Variants in RASA4B observed in about 807,000 individuals in gnomAD.
The protein encoded by RASA4B is RAS p21 protein activator 4B.
A neutral mutation model predicts 24.2 loss-of-function variants in RASA4B; 2 were observed. The observed-to-expected ratio is 0.08, with a 90% CI of 0.03 to 0.26. RASA4B has a LOEUF of 0.26. Ranked by LOEUF, RASA4B falls within the 10% of genes least tolerant of loss-of-function variation. The pLI is 1.00. For missense variants in RASA4B, 8 were observed against 277.2 expected (o/e 0.03, Z 6.90); for synonymous variants, 2 against 125.6 (o/e 0.02, Z 6.58).
intron 6 of RASA4B, among the ~76,000 whole-genome samples, chr7:102,502,629 G>A (rs1214748275): frequency 2.7e-5 from 3 of 109,672 alleles, no homozygotes; most frequent in African/African-American, 8.1e-5. Flanking sequence ...GTGTGGTGGT[G>A]TGTGCCTGTA....
intron 1 of RASA4B, among the ~76,000 whole-genome samples, chr7:102,512,747 GAGTA>G (rs1799733541): frequency 1.1e-5 from 1 of 87,614 alleles, no homozygotes; most frequent in Non-Finnish European, 3.5e-5. Flanking sequence ...AGAGGGAGGA[GAGTA>G]AGAGGGAGGA....
At chr7:102,491,698 C>T (rs1256193826) in intron 16 of RASA4B, among the ~76,000 whole-genome samples, 4 of 69,332 alleles carry the variant, frequency 5.8e-5, no homozygotes, top group African/African-American at 1.3e-4. Context: ...ACCCGGGAGG[C>T]GGAGGTTGCG....
At chr7:102,499,191 AAAAT>A (rs374009450) in intron 8 of RASA4B, among the ~76,000 whole-genome samples, 3,485 of 80,080 alleles carry the variant, frequency 0.044, 88 homozygotes, top group Non-Finnish European at 0.076. Flanking sequence ...GCTCAAAAAA[AAAAT>A]ATATATATAT....
chr7:102,512,848 G>A (rs1343531286), intron 1 of RASA4B, among the ~76,000 whole-genome samples: 1 of 150,600 alleles, frequency 6.6e-6, no homozygotes, highest in Non-Finnish European at 1.5e-5. Context: ...TAAAGAGGGA[G>A]GGGGAGACTG....
rs1375172219 is a variant in RASA4B, at chr7:102,514,984, AC to A, written c.65+2661del. On this transcript the variant is annotated intron_variant, in intron 1 of 20. Coordinates refer to ENST00000465829, the MANE Select transcript of RASA4B (RefSeq NM_001367767.2). Reference sequence around the variant, plus strand: ...CTCTGTGCCCTTTAGAGGAATAAAAACCCATGAGTAGAAGTGGCAGGAAGGC... The same window carrying A: ...CTCTGTGCCCTTTAGAGGAATAAAAACCATGAGTAGAAGTGGCAGGAAGGC... 3.3e-5 allele frequency among the ~76,000 whole-genome samples: 4 copies of A among 120,074 alleles called. No individual in the cohort carries two copies. The Admixed American group carries it at 3.8e-4, about 11-fold the overall frequency. The allele number at this position is 120,074 out of a possible 152,430, so 78.8% of individuals were successfully genotyped here.
At chr7:102,498,483 A>T (rs1403749715) in intron 8 of RASA4B, among the ~76,000 whole-genome samples, 3 of 144,520 alleles carry the variant, frequency 2.1e-5, no homozygotes, top group East Asian at 2.1e-4. Context: ...GCTGGTCTTG[A>T]ACTCCTGATC....
At chr7:102,498,318 G>A (rs1298791222) in intron 8 of RASA4B, among the ~76,000 whole-genome samples, 410 of 146,370 alleles carry the variant, frequency 2.8e-3, no homozygotes, top group African/African-American at 0.01. Flanking sequence ...CTGGAGTGCA[G>A]TGGCGCGATC....
Position 102,481,904 on chromosome 7 carries a change from G to A in RASA4B, c.*1688C>T, listed in dbSNP as rs1262304452. ...ATGGATGCAGGCAGACGTGAAAACA[G>A]CGCCCACCTGGAGAGCTAGAAACAT... is the stretch of plus-strand genomic sequence containing the variant. On this transcript the variant is annotated 3_prime_UTR_variant, in exon 21 of 21. Coordinates refer to ENST00000465829, the MANE Select transcript of RASA4B (RefSeq NM_001367767.2). Among the ~76,000 whole-genome samples, 15 of 46,904 alleles carry A rather than the reference G, an allele frequency of 3.2e-4. No individual in the cohort carries two copies. Among genetic ancestry groups the A allele is most frequent in the African/African-American group, 7.2e-4 (14 of 19,442 alleles). 30.8% of individuals were successfully genotyped at this position (46,904 alleles called of 152,430 possible).
intron 4 of RASA4B, among the ~76,000 whole-genome samples, chr7:102,509,120 A>AAG: frequency 8.4e-6 from 1 of 119,284 alleles, no homozygotes; most frequent in East Asian, 2.6e-4. Flanking sequence ...TTTTTAAAAA[A>AAG]AAACTATATA....
chr7:102,485,447 CTT>C (rs1798685576), intron 18 of RASA4B, among the ~76,000 whole-genome samples: 1 of 76,488 alleles, frequency 1.3e-5, no homozygotes, highest in Admixed American at 1.4e-4. Flanking sequence ...TGCTGGGTAA[CTT>C]TTGGTTTTTT....
intron 8 of RASA4B, among the ~76,000 whole-genome samples, chr7:102,498,310 G>A: frequency 6.7e-6 from 1 of 150,040 alleles, no homozygotes; most frequent in Admixed American, 6.7e-5. Flanking sequence ...CACCCAGGCT[G>A]GAGTGCAGTG....
chr7:102,511,590 T>G (rs1799698049), intron 2 of RASA4B, among the ~76,000 whole-genome samples: 1 of 72,042 alleles, frequency 1.4e-5, no homozygotes, highest in African/African-American at 4.7e-5. Flanking sequence ...ATCTCGTTAA[T>G]TGCAAGAACT....
intron 5 of RASA4B, among the ~76,000 whole-genome samples, chr7:102,506,184 C>T (rs1799494680): frequency 6.6e-6 from 1 of 151,844 alleles, no homozygotes; most frequent in Non-Finnish European, 1.5e-5. Flanking sequence ...GACATATCCC[C>T]TTGAGTGGAA....
At chr7:102,500,492 A>AAATT (rs1799327004) in intron 8 of RASA4B, among the ~76,000 whole-genome samples, 1 of 143,540 alleles carries the variant, frequency 7.0e-6, no homozygotes, top group Non-Finnish European at 1.5e-5. Context: ...ATAAATAAAT[A>AAATT]AATAAATAAT....
Position 102,498,559 on chromosome 7 carries a change from G to A in RASA4B, c.738-1595C>T, listed in dbSNP as rs1322870547. Among the ~76,000 whole-genome samples the A allele has an allele frequency of 3.5e-5, 5 of 140,866 alleles. No individual in the cohort carries two copies. In the Admixed American group the frequency reaches 3.6e-4, roughly 10 times the overall value. 92.4% of individuals were successfully genotyped at this position (140,866 alleles called of 152,430 possible). On this transcript the variant is annotated intron_variant, in intron 8 of 20. Transcript: ENST00000465829. ...CAGGCATGAGCCACCGCACCCGGCT[G>A]TTTTCTTGAGACGGAGTTTCGCTCT... is the stretch of plus-strand genomic sequence containing the variant.
At chr7:102,492,643 G>T (rs1231925513) in intron 16 of RASA4B, among the ~76,000 whole-genome samples, 12 of 144,238 alleles carry the variant, frequency 8.3e-5, no homozygotes, top group African/African-American at 2.9e-4. Flanking sequence ...ACCTGGTAAG[G>T]TCGGATCAAC....
rs544436819 is a variant in RASA4B at position 102,497,198 on chromosome 7, G to A, written c.738-234C>T. On this transcript the variant is annotated intron_variant, in intron 8 of 20. Transcript: ENST00000465829. ...TCAAGGCACCTCTATCTGTCTTCGA[G>A]GTCTGGCTCCCTGCCACCTCCAAGC... Among the ~76,000 whole-genome samples the A allele has an allele frequency of 2.0e-5, 3 of 151,068 alleles. No individual in the cohort carries two copies. In the South Asian group the frequency reaches 6.4e-4, roughly 32 times the overall value.
At chr7:102,492,709 G>A (rs1418196483) in intron 16 of RASA4B, among the ~76,000 whole-genome samples, 3 of 124,808 alleles carry the variant, frequency 2.4e-5, no homozygotes, top group African/African-American at 7.7e-5. Context: ...CTGTTGCCCA[G>A]GTTGGAGTGC....
At chr7:102,489,627 G>C (rs1157825663) in intron 17 of RASA4B, among the ~76,000 whole-genome samples, 6 of 149,452 alleles carry the variant, frequency 4.0e-5, no homozygotes, top group Non-Finnish European at 3.0e-5. Flanking sequence ...CAAGTAGCTG[G>C]GACTACAGGC....
Sources: gnomAD v4.1 joint callset for allele counts (sites outside exome capture counted in the v4.1 genomes callset) on GRCh38, gnomAD v4.1.1 for gene constraint, MANE v1.5 for transcripts, NCBI Gene and HGNC (gene_info 2026-07-23, HGNC 2026-07-21) for gene names.